The following CLASP1 variants were observed in gnomAD, a reference collection of about 807,000 sequenced individuals.
CLASP1 encodes the protein cytoplasmic linker associated protein 1, also known as CLIP-associating protein 1.
In CLASP1, 38 loss-of-function variants were observed where a neutral mutation model predicts 192.3. That is an observed-to-expected ratio of 0.20 (90% CI 0.15 to 0.26). The LOEUF is 0.26. CLASP1 is among the 10% of genes least tolerant of loss of function. The pLI is 1.00. For synonymous variants in CLASP1, 691 were observed against 712.8 expected (o/e 0.97, Z 0.49); for missense variants, 1,433 against 1,932.5 (o/e 0.74, Z 4.85).
chr2:121,544,219 G>C (rs1197403454), intron 2 of CLASP1, among the ~76,000 whole-genome samples: 1 of 152,086 alleles, frequency 6.6e-6, no homozygotes, highest in Non-Finnish European at 1.5e-5. Context: ...AGAGTGTACT[G>C]TAACTAATTT....
intron 1 of CLASP1, among the ~76,000 whole-genome samples, chr2:121,616,789 A>C (rs2066542208): frequency 1.3e-5 from 2 of 151,874 alleles, no homozygotes; most frequent in South Asian, 4.1e-4. Flanking sequence ...CCACTGTCCC[A>C]CTCATTTTGA....
intron 22 of CLASP1, among the ~76,000 whole-genome samples, chr2:121,422,067 C>T (rs1474791739): frequency 6.6e-6 from 1 of 152,192 alleles, no homozygotes. Flanking sequence ...CTGGGGTCTT[C>T]TGCTTACATG....
chr2:121,504,023 G>A (rs187406747), intron 7 of CLASP1: 6 of 152,262 alleles, frequency 3.9e-5, no homozygotes, highest in Admixed American at 3.9e-4. Flanking sequence ...CTGAGGTCAG[G>A]AGTTTGAGAC....
intron 6 of CLASP1, among the ~76,000 whole-genome samples, chr2:121,523,469 A>G (rs932254082): frequency 1.3e-5 from 2 of 152,166 alleles, no homozygotes; most frequent in African/African-American, 4.8e-5. Flanking sequence ...CTTTCTACCA[A>G]AGCTTTAGGG....
Position 121,548,295 on chromosome 2 carries a change from A to C in CLASP1, c.196-17970T>G, listed in dbSNP as rs183862700. 6.2e-3 allele frequency among the ~76,000 whole-genome samples: 948 copies of C among 152,360 alleles called. 10 individuals are homozygous for C. Among genetic ancestry groups the C allele is most frequent in the African/African-American group, 0.021 (869 of 41,578 alleles). ...CAATGACAAGTATTAACAGCAGAAT[A>C]AACCAAGCTGAAGAAAGAATCTTAG... On this transcript the variant is annotated intron_variant, in intron 2 of 39. Coordinates refer to ENST00000263710, the Ensembl canonical transcript of CLASP1.
chr2:121,451,256 T>A (rs1013824009), intron 15 of CLASP1, among the ~76,000 whole-genome samples: 3 of 152,224 alleles, frequency 2.0e-5, no homozygotes, highest in East Asian at 1.9e-4. Context: ...GGATTTTTTT[T>A]AAAAAACACA....
chr2:121,435,036 T>C (rs2082070324), intron 19 of CLASP1, among the ~76,000 whole-genome samples: 1 of 151,798 alleles, frequency 6.6e-6, no homozygotes, highest in African/African-American at 2.4e-5. Flanking sequence ...AAATATCACA[T>C]TGGGCTGGGC....
At chr2:121,402,545 A>C in intron 26 of CLASP1, 1 of 511,508 alleles carries the variant, frequency 2.0e-6, no homozygotes, top group Non-Finnish European at 3.9e-6. Flanking sequence ...TCCTGGCTTC[A>C]CTTACAGGCA....
intron 19 of CLASP1, among the ~76,000 whole-genome samples, chr2:121,434,087 G>A (rs1344979553): frequency 1.3e-5 from 2 of 152,080 alleles, no homozygotes; most frequent in Non-Finnish European, 2.9e-5. Flanking sequence ...GGTGGGAATA[G>A]AACAATGAAC....
At chr2:121,393,794 A>T (rs2074788974) in intron 30 of CLASP1, among the ~76,000 whole-genome samples, 1 of 152,172 alleles carries the variant, frequency 6.6e-6, no homozygotes, top group Admixed American at 6.5e-5. Context: ...TATTTGAATC[A>T]AAAGTAATGC....
At chr2:121,420,373 C>T (rs983289468) in intron 22 of CLASP1, among the ~76,000 whole-genome samples, 20 of 152,142 alleles carry the variant, frequency 1.3e-4, no homozygotes, top group African/African-American at 4.6e-4. Flanking sequence ...AACTAGGGAG[C>T]GTGTGTACTG....
intron 2 of CLASP1, among the ~76,000 whole-genome samples, chr2:121,545,582 T>C (rs1309634544): frequency 1.3e-5 from 2 of 152,170 alleles, no homozygotes; most frequent in Non-Finnish European, 2.9e-5. Context: ...ACAGTCAGCT[T>C]TGTCTGTTTC....
chr2:121,638,553 T>C (rs544118912), intron 1 of CLASP1, among the ~76,000 whole-genome samples: 3 of 152,146 alleles, frequency 2.0e-5, no homozygotes, highest in Non-Finnish European at 2.9e-5. Context: ...TTATTCACAA[T>C]AGCCAAAGAG....
At position 121,363,302 on chromosome 2, in the gene CLASP1, T is replaced by C. The variant is rs1211975490; in HGVS notation, c.4078-2A>G. On this transcript the variant is annotated splice_acceptor_variant, in intron 36 of 39. Transcript: ENST00000263710. LOFTEE classifies it high-confidence loss of function. Reference sequence around the variant, plus strand: ...TAACGCCAGTGCTCGAATTGAATGCTAGAATACAAAGGGAAAGGAAGACAT... The same window carrying C: ...TAACGCCAGTGCTCGAATTGAATGCCAGAATACAAAGGGAAAGGAAGACAT... 1 of 1,613,626 alleles carries C rather than the reference T, an allele frequency of 6.2e-7. No individual in the cohort carries two copies. Among genetic ancestry groups the C allele is most frequent in the Non-Finnish European group, 8.5e-7 (1 of 1,179,792 alleles).
chr2:121,351,223 C>T (rs982338612), intron 37 of CLASP1, among the ~76,000 whole-genome samples: 1 of 152,208 alleles, frequency 6.6e-6, no homozygotes, highest in Non-Finnish European at 1.5e-5. Flanking sequence ...ACTCACTGTC[C>T]CTCAGATGTG....
intron 1 of CLASP1, among the ~76,000 whole-genome samples, chr2:121,615,674 C>T (rs926163087): frequency 1.6e-4 from 24 of 151,988 alleles, no homozygotes; most frequent in Admixed American, 7.9e-4. Flanking sequence ...ATCTCAGCTA[C>T]TCAAGAAGGT....
At chr2:121,601,945 C>T (rs2063830691) in intron 2 of CLASP1, among the ~76,000 whole-genome samples, 2 of 152,056 alleles carry the variant, frequency 1.3e-5, no homozygotes, top group African/African-American at 4.8e-5. Flanking sequence ...GAGGCCAAGA[C>T]GGGTGGATCA....
intron 29 of CLASP1, among the ~76,000 whole-genome samples, chr2:121,397,881 T>A (rs1157651662): frequency 6.6e-6 from 1 of 152,240 alleles, no homozygotes; most frequent in Non-Finnish European, 1.5e-5. Flanking sequence ...ATTACAGGTA[T>A]GATTTTCCAC....
At chr2:121,619,025 A>C (rs2066906922) in intron 1 of CLASP1, among the ~76,000 whole-genome samples, 1 of 152,234 alleles carries the variant, frequency 6.6e-6, no homozygotes, top group Non-Finnish European at 1.5e-5. Context: ...ATACTCAAGA[A>C]TATTCTGCAG....
Sources: allele counts gnomAD v4.1 joint callset (sites outside exome capture counted in the v4.1 genomes callset), GRCh38; gene constraint gnomAD v4.1.1; transcripts MANE v1.5; gene names NCBI Gene and HGNC (gene_info 2026-07-23, HGNC 2026-07-21).